PXK: variants seen among roughly 807,000 people sequenced by gnomAD.
The protein encoded by PXK is PX domain containing serine/threonine kinase like, also known as PX domain-containing protein kinase-like protein.
In PXK, 35 loss-of-function variants were observed where a neutral mutation model predicts 84.7. The ratio of observed to expected loss-of-function variants is 0.41; its 90% confidence interval spans 0.32 to 0.55. PXK has a LOEUF of 0.55. Among genes scored for constraint, PXK ranks in the 20% least tolerant of loss-of-function variants. The pLI is 0.21. For missense variants in PXK, 634 were observed against 699.7 expected (o/e 0.91, Z 1.06); for synonymous variants, 253 against 260.8 (o/e 0.97, Z 0.29).
rs1156771662 is a variant in PXK, at chr3:58,407,294, T to G, written c.1231-1630T>G. 1.3e-5 allele frequency among the ~76,000 whole-genome samples: 2 copies of G among 152,238 alleles called. No individual in the cohort carries two copies. On this transcript the variant is annotated intron_variant, in intron 13 of 17. Coordinates refer to ENST00000356151, the MANE Select transcript of PXK (RefSeq NM_017771.5). The surrounding 1 kb of genome is among the most constrained non-coding windows in gnomAD (Gnocchi z 4.3). ...TCATTGTGGTTTTGATTTACATTTC[T>G]CTAATGACTAAAGACATTGAGTGTC...
intron 4 of PXK, among the ~76,000 whole-genome samples, chr3:58,389,739 C>T (rs917585329): frequency 1.3e-5 from 2 of 151,260 alleles, no homozygotes; most frequent in Non-Finnish European, 2.9e-5. Flanking sequence ...GTGGCTCATG[C>T]CTGTAGTCTC....
At chr3:58,342,743 A>G (rs1418909434) in intron 1 of PXK, among the ~76,000 whole-genome samples, 4 of 152,186 alleles carry the variant, frequency 2.6e-5, no homozygotes, top group Non-Finnish European at 5.9e-5. Context: ...TGAAAAATGT[A>G]CTATAATACC....
rs140961864 is a variant in PXK at position 58,400,910 on chromosome 3, C to T, written c.1181+1533C>T. ...CAGCCTGGGTGACAGAGCAAGACTC[C>T]GTCTCAAAACAAAACAAACAATGTG... On this transcript the variant is annotated intron_variant, in intron 12 of 17. Transcript: ENST00000356151. This position sits in a 1 kb window ranked among gnomAD's most constrained non-coding sequence, Gnocchi z 4.0. 4.6e-5 allele frequency among the ~76,000 whole-genome samples: 7 copies of T among 152,122 alleles called. No individual in the cohort carries two copies. The highest frequency in any genetic ancestry group is 8.8e-5 in the Non-Finnish European group (6 of 67,994).
chr3:58,420,498 G>C, intron 17 of PXK: 1 of 1,534,802 alleles, frequency 6.5e-7, no homozygotes, highest in East Asian at 2.4e-5. Context: ...ATAATGACTT[G>C]TGTCCCCCCT....
Position 58,336,055 on chromosome 3 carries a change from ATATATATATATATATATTTTTTTT to A in PXK, c.102+2967_102+2990del, listed in dbSNP as rs1451792282. ...TTGGGAAACATATATATATATATAT[ATATATATATATATATATTTTTTTT>A]TTTTTTTTTTAATACCAATGGGGTT... is the stretch of plus-strand genomic sequence containing the variant. On this transcript the variant is annotated intron_variant, in intron 1 of 17. Transcript: ENST00000356151. 2.9e-4 allele frequency among the ~76,000 whole-genome samples: 17 copies of A among 58,460 alleles called. 1 individual carries two copies. The highest frequency in any genetic ancestry group is 0.014 in the Middle Eastern group (2 of 140). 38.4% of individuals were successfully genotyped at this position (58,460 alleles called of 152,430 possible).
Position 58,400,955 on chromosome 3 carries a change from A to G in PXK, c.1181+1578A>G, listed in dbSNP as rs1316041121. Among the ~76,000 whole-genome samples, 2 of 152,182 alleles carry G rather than the reference A, an allele frequency of 1.3e-5. No homozygotes were observed. Among genetic ancestry groups the G allele is most frequent in the African/African-American group, 4.8e-5 (2 of 41,444 alleles). On this transcript the variant is annotated intron_variant, in intron 12 of 17. Coordinates refer to ENST00000356151, the MANE Select transcript of PXK (RefSeq NM_017771.5). This position sits in a 1 kb window ranked among gnomAD's most constrained non-coding sequence, Gnocchi z 4.0. The stretch of plus-strand genomic sequence containing the variant: ...AATGTGAATATGGAAAAACAGACCC[A>G]GTTTGGAAAACAACTTTCACACAAA...
At chr3:58,339,814 G>C (rs1027872463) in intron 1 of PXK, among the ~76,000 whole-genome samples, 1 of 149,364 alleles carries the variant, frequency 6.7e-6, no homozygotes, top group Non-Finnish European at 1.5e-5. Flanking sequence ...TCAATATATA[G>C]ATTTTTTTTT....
In PXK at chr3:58,358,382, A is replaced by G. The variant is rs114367742; in HGVS notation, c.103-7492A>G. Among the ~76,000 whole-genome samples, 1,264 of 152,246 alleles carry G rather than the reference A, an allele frequency of 8.3e-3. 18 individuals carry two copies. Among genetic ancestry groups the G allele is most frequent in the African/African-American group, 0.029 (1,209 of 41,528 alleles). On this transcript the variant is annotated intron_variant, in intron 1 of 17. Coordinates refer to ENST00000356151, the MANE Select transcript of PXK (RefSeq NM_017771.5). ...AATGTTCCTTTACAGGGGAAATACA[A>G]TGGGTATGGGTGGTGCCTTGGGGCT...
In PXK at chr3:58,407,881, A is replaced by T. The variant is rs1158419020; in HGVS notation, c.1231-1043A>T. ...TGCACCAAAGTTTTAAATTTTGATGAAGTTTAATTTTTTTTCTTTTATTGC... is the reference window on the plus strand; with the variant it reads ...TGCACCAAAGTTTTAAATTTTGATGTAGTTTAATTTTTTTTCTTTTATTGC... On this transcript the variant is annotated intron_variant, in intron 13 of 17. Coordinates refer to ENST00000356151, the MANE Select transcript of PXK (RefSeq NM_017771.5). The surrounding 1 kb of genome is among the most constrained non-coding windows in gnomAD (Gnocchi z 4.3). Among the ~76,000 whole-genome samples, 3 of 152,172 alleles carry T rather than the reference A, an allele frequency of 2.0e-5. No homozygotes were observed. In the East Asian group the frequency reaches 5.8e-4, roughly 29 times the overall value.
intron 17 of PXK, chr3:58,413,955 GACTT>G: frequency 6.6e-6 from 1 of 152,366 alleles, no homozygotes; most frequent in East Asian, 1.9e-4. Context: ...TAGTGTGAAT[GACTT>G]ACTTCTGGCT....
rs1203077840 is a variant in PXK, at chr3:58,401,845, C to T, written c.1182-2017C>T. 2.0e-5 allele frequency among the ~76,000 whole-genome samples: 3 copies of T among 151,914 alleles called. No individual in the cohort carries two copies. The highest frequency in any genetic ancestry group is 4.4e-5 in the Non-Finnish European group (3 of 67,976). ...AGGAGGCGGAGTTTGCACTGGAGCG[C>T]GCCACTGCACTCCAGCCTGGGCGAC... On this transcript the variant is annotated intron_variant, in intron 12 of 17. Transcript: ENST00000356151. This position sits in a 1 kb window ranked among gnomAD's most constrained non-coding sequence, Gnocchi z 4.4.
intron 4 of PXK, among the ~76,000 whole-genome samples, chr3:58,384,626 C>T (rs2098535984): frequency 6.6e-6 from 1 of 152,180 alleles, no homozygotes; most frequent in South Asian, 2.1e-4. Flanking sequence ...AATTGTCAGA[C>T]AGCAGGCCAT....
chr3:58,395,573 G>A (rs2057525562), intron 8 of PXK, 85 bp from the exon 9 acceptor site: 11 of 1,078,142 alleles, frequency 1.0e-5, no homozygotes, highest in Non-Finnish European at 1.5e-5. Context: ...CCTAGCCTCT[G>A]TAGAATCCTG....
chr3:58,388,783 A>G (rs1255581664), intron 4 of PXK, among the ~76,000 whole-genome samples: 3 of 152,352 alleles, frequency 2.0e-5, no homozygotes, highest in Non-Finnish European at 4.4e-5. Flanking sequence ...CTCAAAATGT[A>G]CTATAAAATA....
intron 5 of PXK, 49 bp from the exon 6 acceptor site, chr3:58,391,098 T>G: frequency 7.2e-7 from 1 of 1,384,120 alleles, no homozygotes; most frequent in Non-Finnish European, 1.0e-6. Context: ...AACATATCAG[T>G]TGTTGCAAAA....
At chr3:58,357,066 G>A (rs779755392) in intron 1 of PXK, among the ~76,000 whole-genome samples, 77 of 150,694 alleles carry the variant, frequency 5.1e-4, no homozygotes, top group Middle Eastern at 6.8e-3. Flanking sequence ...AGATCATGAG[G>A]TCAAGAGATG....
intron 3 of PXK, among the ~76,000 whole-genome samples, chr3:58,376,892 G>A (rs1046066253): frequency 5.9e-5 from 9 of 151,996 alleles, no homozygotes; most frequent in Non-Finnish European, 1.0e-4. Flanking sequence ...CACTTGCCTC[G>A]GTCTCCCAAA....
At chr3:58,413,758 T>C (rs561783846) in intron 17 of PXK, 1 of 152,370 alleles carries the variant, frequency 6.6e-6, no homozygotes, top group Non-Finnish European at 1.5e-5. Flanking sequence ...CAGAGCTTGC[T>C]GGCTGTGCCT....
intron 1 of PXK, among the ~76,000 whole-genome samples, chr3:58,351,181 T>C (rs1324160152): frequency 1.3e-5 from 2 of 152,150 alleles, no homozygotes; most frequent in African/African-American, 4.8e-5. Context: ...ATGATCTCAA[T>C]CTTTATTACT....
Sources: gnomAD v4.1 joint callset for allele counts (sites outside exome capture counted in the v4.1 genomes callset) on GRCh38, gnomAD v4.1.1 for gene constraint, Gnocchi (gnomAD v3.1) non-coding constraint, MANE v1.5 for transcripts, NCBI Gene and HGNC (gene_info 2026-07-23, HGNC 2026-07-21) for gene names.